Variants in CELF2 observed in about 807,000 individuals in gnomAD.
CELF2 encodes CUG triplet repeat RNA-binding protein 2.
Under a neutral mutation model 62.6 loss-of-function variants are expected in CELF2, and 8 were observed. The observed-to-expected ratio is 0.13, with a 90% CI of 0.07 to 0.23. The LOEUF (loss-of-function observed/expected upper bound fraction) is 0.23, where lower values mean the gene tolerates loss of function less well. CELF2 is among the 10% of genes least tolerant of loss of function. The probability of loss-of-function intolerance (pLI) is 1.00; values close to 1 mark genes in which losing one functional copy is unlikely to be tolerated. For synonymous variants in CELF2, 258 were observed against 250.0 expected, an observed-to-expected ratio of 1.03 and a Z score of -0.30; for missense variants, 333 against 671.0, an observed-to-expected ratio of 0.50 and a Z score of 5.56.
intron 8 of CELF2, among the ~76,000 whole-genome samples, chr10:11,284,903 G>A (rs1360265893): frequency 6.6e-6 from 1 of 151,152 alleles, no homozygotes; most frequent in Non-Finnish European, 1.5e-5. Context: ...TGGATGGGTG[G>A]ATGGTTGGAT....
the CELF2 span, among the ~76,000 whole-genome samples, chr10:10,653,692 A>G: frequency 2.0e-5 from 3 of 147,074 alleles, no homozygotes; most frequent in Non-Finnish European, 3.0e-5. Context: ...ACAACATACC[A>G]GAATCTCTGG....
the CELF2 span, among the ~76,000 whole-genome samples, chr10:10,521,175 G>T: frequency 1.3e-5 from 2 of 152,192 alleles, no homozygotes; most frequent in Non-Finnish European, 2.9e-5. Context: ...GATAGTAAAG[G>T]TGAATTAAAG....
At chr10:10,586,018 G>A in the CELF2 span, among the ~76,000 whole-genome samples, 4 of 152,120 alleles carry the variant, frequency 2.6e-5, no homozygotes, top group Admixed American at 1.3e-4. Context: ...ATATTAATCT[G>A]GAGAGATAAT....
At chr10:10,945,253 A>G (rs569174259) in intron 2 of CELF2, among the ~76,000 whole-genome samples, 22 of 152,194 alleles carry the variant, frequency 1.4e-4, no homozygotes, top group Non-Finnish European at 5.9e-5. Context: ...AGCTGACAGC[A>G]TTTCCCTCCT....
At chr10:10,833,439 T>C (rs2058036554) in intron 1 of CELF2, among the ~76,000 whole-genome samples, 1 of 152,156 alleles carries the variant, frequency 6.6e-6, no homozygotes, top group South Asian at 2.1e-4. Flanking sequence ...CAATATCTCC[T>C]TGGGTCAGGG....
intron 1 of CELF2, among the ~76,000 whole-genome samples, chr10:11,043,873 G>A (rs17149300): frequency 1.5e-4 from 23 of 152,194 alleles, no homozygotes; most frequent in African/African-American, 3.1e-4. Context: ...GCAAGCCAGC[G>A]TCCTTAAAAT....
rs1240961702 is a variant in CELF2, at chr10:11,318,791, G to A, written c.1097-2398G>A. The A allele has an allele frequency of 2.1e-6, 1 of 471,186 alleles. No homozygotes were observed. The highest frequency in any genetic ancestry group is 4.4e-6 in the Non-Finnish European group (1 of 227,108). The allele number at this position is 471,186 out of a possible 1,614,324, so 29.2% of individuals were successfully genotyped here. On this transcript the variant is annotated intron_variant, in intron 10 of 12. Transcript: ENST00000633077. The surrounding 1 kb of genome is among the most constrained non-coding windows in gnomAD (Gnocchi z 5.4). Reference sequence around the variant, plus strand: ...AGCTGTGTACAGAGAAGGGAGTTGGGTCCCAGTGACCACTGCCATAAAATG... The same window carrying A: ...AGCTGTGTACAGAGAAGGGAGTTGGATCCCAGTGACCACTGCCATAAAATG...
At chr10:11,235,645 G>T (rs566841719) in intron 3 of CELF2, among the ~76,000 whole-genome samples, 30 of 152,130 alleles carry the variant, frequency 2.0e-4, no homozygotes, top group South Asian at 2.1e-4. Context: ...AGCAAAGTCA[G>T]TGCAACTATG....
chr10:11,322,721 T>C (rs1249985576), intron 11 of CELF2, among the ~76,000 whole-genome samples: 1 of 152,182 alleles, frequency 6.6e-6, no homozygotes, highest in Non-Finnish European at 1.5e-5. Context: ...GAAAAATATA[T>C]GAAAGTCTAA....
At position 11,046,471 on chromosome 10, in the gene CELF2, A is replaced by G. The variant is rs2062865096; in HGVS notation, c.74+28308A>G. Among the ~76,000 whole-genome samples the G allele has an allele frequency of 6.6e-6, 1 of 152,192 alleles. No homozygotes were observed. Among genetic ancestry groups the G allele is most frequent in the Admixed American group, 6.5e-5 (1 of 15,280 alleles). ...GAAATGAAATATAAAGGGAAGATAAAGTATATTAAGGTTCTCATTAGGCGC... is the reference window on the plus strand; with the variant it reads ...GAAATGAAATATAAAGGGAAGATAAGGTATATTAAGGTTCTCATTAGGCGC... On this transcript the variant is annotated intron_variant, in intron 1 of 12. Coordinates refer to ENST00000633077, the MANE Select transcript of CELF2 (RefSeq NM_001326342.2). The surrounding 1 kb of genome is among the most constrained non-coding windows in gnomAD (Gnocchi z 4.6).
intron 1 of CELF2, among the ~76,000 whole-genome samples, chr10:11,020,780 G>A (rs1044235151): frequency 2.0e-5 from 3 of 152,144 alleles, no homozygotes; most frequent in Non-Finnish European, 4.4e-5. Context: ...GAATTATTAC[G>A]CTTGATAGCC....
chr10:11,077,013 C>T (rs1211927535), intron 1 of CELF2, among the ~76,000 whole-genome samples: 1 of 152,156 alleles, frequency 6.6e-6, no homozygotes, highest in Admixed American at 6.5e-5. Flanking sequence ...GTCATTGACT[C>T]CTTAGTAACC....
rs564103083 is a variant in CELF2, at chr10:10,921,116, G to A, written c.89+1117G>A. ...ATTACAGGAGACTGCCACCATGCCC[G>A]GCTAATTTTTGTATTTTTCGTAGAG... On this transcript the variant is annotated intron_variant, in intron 2 of 13. Transcript: ENST00000636488. Among the ~76,000 whole-genome samples, 18 of 151,514 alleles carry A rather than the reference G, an allele frequency of 1.2e-4. No homozygotes were observed. In the South Asian group the frequency reaches 2.5e-3, roughly 21 times the overall value.
chr10:10,680,140 TGTAC>T, the CELF2 span, among the ~76,000 whole-genome samples: 2 of 140,482 alleles, frequency 1.4e-5, no homozygotes, highest in African/African-American at 5.6e-5. Context: ...TTTGTATGTA[TGTAC>T]GTATGTATGT....
the CELF2 span, among the ~76,000 whole-genome samples, chr10:10,711,277 T>C: frequency 6.6e-6 from 1 of 152,234 alleles, no homozygotes; most frequent in South Asian, 2.1e-4. Context: ...ATATGACAGA[T>C]GCTGTCAGTT....
At chr10:10,883,451 G>T (rs1231886325) in intron 1 of CELF2, among the ~76,000 whole-genome samples, 1 of 152,174 alleles carries the variant, frequency 6.6e-6, no homozygotes, top group Non-Finnish European at 1.5e-5. Flanking sequence ...AGCTCTAACA[G>T]ATTCTTCATT....
rs893909480 is a variant in CELF2, at chr10:11,319,201, C to T, written c.1097-1988C>T. 6 of 422,196 alleles carry T rather than the reference C, an allele frequency of 1.4e-5. No individual in the cohort carries two copies. Among genetic ancestry groups the T allele is most frequent in the East Asian group, 7.1e-5 (1 of 14,012 alleles). 26.2% of individuals were successfully genotyped at this position (422,196 alleles called of 1,614,324 possible). A position where few individuals can be genotyped will look rare whatever the true frequency, so the allele number is the denominator to read the frequency against. On this transcript the variant is annotated intron_variant, in intron 10 of 12. Coordinates refer to ENST00000633077, the MANE Select transcript of CELF2 (RefSeq NM_001326342.2). The surrounding 1 kb of genome is among the most constrained non-coding windows in gnomAD (Gnocchi z 4.4). Reference sequence around the variant, plus strand: ...GCGATCATCTGTAATCCACAGCACCCGTTAACAGCCTGGCCAAAGTGAGAC... The same window carrying T: ...GCGATCATCTGTAATCCACAGCACCTGTTAACAGCCTGGCCAAAGTGAGAC...
At chr10:10,935,376 T>G (rs1033690249) in intron 2 of CELF2, 4 of 152,192 alleles carry the variant, frequency 2.6e-5, no homozygotes, top group Admixed American at 2.6e-4. Context: ...TTTGTCACCT[T>G]GCTTCAGTAT....
intron 3 of CELF2, among the ~76,000 whole-genome samples, chr10:11,231,860 C>CA (rs949429145): frequency 1.9e-4 from 28 of 149,614 alleles, no homozygotes; most frequent in African/African-American, 6.4e-4. Flanking sequence ...CACTCAAAGG[C>CA]AAAAAAATAA....
Sources: allele counts gnomAD v4.1 joint callset (sites outside exome capture counted in the v4.1 genomes callset), GRCh38; gene constraint gnomAD v4.1.1; non-coding constraint Gnocchi (gnomAD v3.1); transcripts MANE v1.5; gene names NCBI Gene and HGNC (gene_info 2026-07-23, HGNC 2026-07-21).